The following FER variants were observed in gnomAD, a reference collection of about 807,000 sequenced individuals.
FER encodes the protein FER tyrosine kinase, also known as tyrosine-protein kinase Fer.
A neutral mutation model predicts 111.0 loss-of-function variants in FER; 63 were observed. The observed-to-expected ratio is 0.57, with a 90% CI of 0.46 to 0.70. The LOEUF (loss-of-function observed/expected upper bound fraction) is 0.70, where lower values mean the gene tolerates loss of function less well. Ranked by LOEUF, FER falls within the 30% of genes least tolerant of loss-of-function variation. The pLI, the probability that FER is intolerant of heterozygous loss-of-function variation, is 0.00. For missense variants in FER, 914 were observed against 954.0 expected (o/e 0.96, Z 0.55); for synonymous variants, 327 against 313.9 (o/e 1.04, Z -0.44).
rs538360133 is a variant in FER, at chr5:109,013,441, G to A, written c.1657-23981G>A. Among the ~76,000 whole-genome samples the A allele has an allele frequency of 2.9e-4, 44 of 151,542 alleles. No homozygotes were observed. The East Asian group carries it at 7.8e-3, about 27-fold the overall frequency. ...TTTTTATAGCTGCATAGTATTCCAC[G>A]GTGTATATGTGCCACATTTTCTTAA... On this transcript the variant is annotated intron_variant, in intron 13 of 19. Coordinates refer to ENST00000281092, the MANE Select transcript of FER (RefSeq NM_005246.4).
At chr5:108,791,329 A>T (rs1289409551) in intron 2 of FER, among the ~76,000 whole-genome samples, 1 of 141,862 alleles carries the variant, frequency 7.0e-6, no homozygotes, top group East Asian at 2.0e-4. Context: ...GATTAGAGAC[A>T]TTCTAATGGT....
At chr5:109,183,619 A>G (rs1758536440) in intron 18 of FER, among the ~76,000 whole-genome samples, 1 of 152,126 alleles carries the variant, frequency 6.6e-6, no homozygotes, top group South Asian at 2.1e-4. Flanking sequence ...AATAGGTGAA[A>G]CACTCAAATC....
chr5:109,184,254 G>A (rs1758614027), intron 18 of FER, among the ~76,000 whole-genome samples: 1 of 152,172 alleles, frequency 6.6e-6, no homozygotes, highest in South Asian at 2.1e-4. Context: ...CTGTGAAATG[G>A]GAGGGAGGCA....
rs1222270730 is a variant in FER, at chr5:109,190,791, C to A, written c.*3216C>A. 6.6e-6 allele frequency: 1 copy of A among 152,134 alleles called. No individual in the cohort carries two copies. The highest frequency in any genetic ancestry group is 1.9e-4 in the East Asian group (1 of 5,202). The allele number at this position is 152,134 out of a possible 1,614,324, so 9.4% of individuals were successfully genotyped here. A position where few individuals can be genotyped will look rare whatever the true frequency, so the allele number is the denominator to read the frequency against. ...GCAATAAAATTCTCCTTTCGTAATTCACTGTTTTATTACAAATACGATATT... is the reference window on the plus strand; with the variant it reads ...GCAATAAAATTCTCCTTTCGTAATTAACTGTTTTATTACAAATACGATATT... On this transcript the variant is annotated 3_prime_UTR_variant, in exon 20 of 20. Coordinates refer to ENST00000281092, the MANE Select transcript of FER (RefSeq NM_005246.4).
chr5:108,787,071 GCAGCTGCAGCTGCC>G (rs1331579514), intron 2 of FER, among the ~76,000 whole-genome samples: 6 of 152,020 alleles, frequency 3.9e-5, no homozygotes, highest in Non-Finnish European at 8.8e-5. Context: ...GCTCCTGGGT[GCAGCTGCAGCTGCC>G]CAGCTGCAGC....
chr5:108,918,354 C>T (rs1752532546), intron 10 of FER, among the ~76,000 whole-genome samples: 1 of 152,134 alleles, frequency 6.6e-6, no homozygotes, highest in African/African-American at 2.4e-5. Context: ...ATCTAGAATC[C>T]ATCAGTGAAA....
chr5:108,908,849 G>C (rs1751156015), intron 10 of FER, among the ~76,000 whole-genome samples: 1 of 152,152 alleles, frequency 6.6e-6, no homozygotes, highest in African/African-American at 2.4e-5. Context: ...GACTAGCCTG[G>C]GCCACATGGA....
At chr5:108,877,263 C>T (rs1765181147) in intron 8 of FER, among the ~76,000 whole-genome samples, 1 of 152,078 alleles carries the variant, frequency 6.6e-6, no homozygotes, top group African/African-American at 2.4e-5. Flanking sequence ...ATAATTTGCT[C>T]AGGCTGTGTT....
intron 17 of FER, among the ~76,000 whole-genome samples, chr5:109,176,912 A>G (rs7735422): frequency 0.71 from 108,652 of 152,040 alleles, 38,906 homozygotes; most frequent in Middle Eastern, 0.77. Flanking sequence ...AATAAATGTC[A>G]GAACAAGAAA....
intron 16 of FER, among the ~76,000 whole-genome samples, chr5:109,077,145 G>A (rs1479549211): frequency 2.0e-5 from 3 of 152,106 alleles, no homozygotes; most frequent in African/African-American, 7.2e-5. Context: ...GCGTAGTGTC[G>A]AATTTTAACA....
Position 109,188,376 on chromosome 5 carries a change from CCTGTCT to C in FER, c.*804_*809del, listed in dbSNP as rs1759108454. On this transcript the variant is annotated 3_prime_UTR_variant, in exon 20 of 20. Coordinates refer to ENST00000281092, the MANE Select transcript of FER (RefSeq NM_005246.4). ...ACCAGCCTGGCTTGCATGGTGAAAC[CCTGTCT>C]CTACCAAAAAAAAAAAAAGAAACAC... The C allele has an allele frequency of 8.8e-6, 1 of 113,912 alleles. No homozygotes were observed. The allele number at this position is 113,912 out of a possible 1,614,324, so 7.1% of individuals were successfully genotyped here. A position where few individuals can be genotyped will look rare whatever the true frequency, so the allele number is the denominator to read the frequency against.
intron 18 of FER, among the ~76,000 whole-genome samples, chr5:109,184,274 G>C (rs543253502): frequency 6.6e-6 from 1 of 152,300 alleles, no homozygotes; most frequent in Admixed American, 6.5e-5. Context: ...AGAATTTTTA[G>C]TGAGCAGGTT....
At chr5:108,987,810 G>T (rs1762743721) in intron 13 of FER, among the ~76,000 whole-genome samples, 1 of 151,500 alleles carries the variant, frequency 6.6e-6, no homozygotes, top group Non-Finnish European at 1.5e-5. Context: ...GATTGCTCTG[G>T]CTAGGACTTC....
intron 1 of FER, among the ~76,000 whole-genome samples, chr5:108,754,432 A>G (rs901109938): frequency 7.2e-6 from 1 of 138,790 alleles, no homozygotes; most frequent in African/African-American, 2.7e-5. Flanking sequence ...AAAAAAAAAT[A>G]GTGTGTAAGT....
chr5:108,814,895 A>G (rs1007848510), intron 3 of FER, among the ~76,000 whole-genome samples: 2 of 152,024 alleles, frequency 1.3e-5, no homozygotes, highest in Non-Finnish European at 2.9e-5. Context: ...TTGTATTCCT[A>G]TTGGAGGAAA....
intron 17 of FER, among the ~76,000 whole-genome samples, chr5:109,106,779 C>T (rs1582057030): frequency 6.6e-6 from 1 of 152,066 alleles, no homozygotes; most frequent in East Asian, 1.9e-4. Context: ...AGGACTTTTC[C>T]CTAAAGACAC....
chr5:109,037,260 A>G (rs1770529773), intron 13 of FER, among the ~76,000 whole-genome samples, 162 bp from the exon 14 acceptor site: 1 of 151,994 alleles, frequency 6.6e-6, no homozygotes, highest in Admixed American at 6.6e-5. Flanking sequence ...CCGTTTCTTA[A>G]ATTTGTTTTA....
At chr5:108,800,029 G>A (rs1303286723) in intron 3 of FER, among the ~76,000 whole-genome samples, 1 of 151,866 alleles carries the variant, frequency 6.6e-6, no homozygotes, top group Non-Finnish European at 1.5e-5. Flanking sequence ...TTTTAGTGCA[G>A]ATGGGGTTTC....
At chr5:108,867,156 G>A (rs1580955952) in intron 5 of FER, among the ~76,000 whole-genome samples, 1 of 152,058 alleles carries the variant, frequency 6.6e-6, no homozygotes, top group South Asian at 2.1e-4. Context: ...TTCAAGGACT[G>A]TTTTGCCAAA....
Sources: gnomAD v4.1 joint callset for allele counts (sites outside exome capture counted in the v4.1 genomes callset) on GRCh38, gnomAD v4.1.1 for gene constraint, MANE v1.5 for transcripts, NCBI Gene and HGNC (gene_info 2026-07-23, HGNC 2026-07-21) for gene names.